The following PACRG variants were observed in gnomAD, a reference collection of about 807,000 sequenced individuals.
PACRG encodes parkin coregulated gene protein.
In PACRG, 29 loss-of-function variants were observed where a neutral mutation model predicts 29.7. The ratio of observed to expected loss-of-function variants is 0.98; its 90% CI spans 0.73 to 1.33. The LOEUF is 1.33. Ranked by LOEUF, PACRG falls within the 40% of genes most tolerant of loss-of-function variation. The probability of loss-of-function intolerance (pLI) is 0.00; values close to 1 mark genes in which losing one functional copy is unlikely to be tolerated. For synonymous variants in PACRG, 116 were observed against 118.7 expected (o/e 0.98, Z 0.15); for missense variants, 279 against 316.2 (o/e 0.88, Z 0.89).
At position 163,111,028 on chromosome 6, in the gene PACRG, C is replaced by T. The variant is rs116999932; in HGVS notation, c.613+21620C>T. Reference sequence around the variant, plus strand: ...CATTCTGTGATGCAGATTCTCCTTCCGCTTCTTACATCTGTTTTTCTTTCC... The same window carrying T: ...CATTCTGTGATGCAGATTCTCCTTCTGCTTCTTACATCTGTTTTTCTTTCC... On this transcript the variant is annotated intron_variant, in intron 4 of 4. Coordinates refer to ENST00000366888, the MANE Select transcript of PACRG (RefSeq NM_001080379.2). 4.5e-3 allele frequency among the ~76,000 whole-genome samples: 688 copies of T among 152,300 alleles called. 2 individuals are homozygous for T. The highest frequency in any genetic ancestry group is 7.2e-3 in the Non-Finnish European group (493 of 68,020).
At position 162,764,102 on chromosome 6, in the gene PACRG, C is replaced by T. The variant is rs1407659987; in HGVS notation, c.156+35711C>T. Among the ~76,000 whole-genome samples the T allele has an allele frequency of 2.6e-5, 4 of 152,014 alleles. No homozygotes were observed. The South Asian group carries it at 6.2e-4, about 24-fold the overall frequency. On this transcript the variant is annotated intron_variant, in intron 1 of 4. Transcript: ENST00000366888. The stretch of plus-strand genomic sequence containing the variant: ...CATCCTGGCTAACATGGTGAAACCC[C>T]GTCTCTACTAAAAATACAAAAAATT...
At chr6:163,312,097 C>T (rs1282868045) in intron 4 of PACRG, among the ~76,000 whole-genome samples, 3 of 152,196 alleles carry the variant, frequency 2.0e-5, no homozygotes, top group Non-Finnish European at 2.9e-5. Flanking sequence ...CTATCTTTTC[C>T]GTGTGCCCTC....
intron 1 of PACRG, among the ~76,000 whole-genome samples, chr6:162,790,616 C>T (rs1784854861): frequency 6.6e-6 from 1 of 152,104 alleles, no homozygotes; most frequent in Non-Finnish European, 1.5e-5. Context: ...CCGTACTGCC[C>T]TTTACACATC....
intron 4 of PACRG, among the ~76,000 whole-genome samples, chr6:163,105,618 C>T (rs1042106158): frequency 1.3e-5 from 2 of 152,064 alleles, no homozygotes; most frequent in Non-Finnish European, 2.9e-5. Context: ...AATGGCTCAA[C>T]ATTGGGTCAT....
chr6:163,088,456 G>A (rs1813793560), intron 3 of PACRG, among the ~76,000 whole-genome samples: 1 of 152,060 alleles, frequency 6.6e-6, no homozygotes, highest in Non-Finnish European at 1.5e-5. Flanking sequence ...GAAGAAACTG[G>A]GGCCAAGAAA....
At position 163,010,410 on chromosome 6, in the gene PACRG, G is replaced by A. The variant is rs1805503933; in HGVS notation, c.292-51740G>A. On this transcript the variant is annotated intron_variant, in intron 2 of 4. Transcript: ENST00000366888. ...ACATATAAATGATGCTACCTGTGAGGAGTGGGTAGGAGAATGGGCCTAAAT... is the reference window on the plus strand; with the variant it reads ...ACATATAAATGATGCTACCTGTGAGAAGTGGGTAGGAGAATGGGCCTAAAT... Among the ~76,000 whole-genome samples the A allele has an allele frequency of 2.6e-5, 4 of 152,152 alleles. No homozygotes were observed. In the South Asian group the frequency reaches 8.3e-4, roughly 31 times the overall value.
intron 4 of PACRG, among the ~76,000 whole-genome samples, chr6:163,139,136 G>A (rs935863910): frequency 1.1e-4 from 17 of 152,230 alleles, no homozygotes; most frequent in East Asian, 3.9e-4. Flanking sequence ...GGCAAGCTGC[G>A]GGCAGAGAGA....
chr6:163,156,718 G>A (rs1562942533), intron 4 of PACRG, among the ~76,000 whole-genome samples: 1 of 152,230 alleles, frequency 6.6e-6, no homozygotes, highest in Non-Finnish European at 1.5e-5. Context: ...GGTATCTACA[G>A]AACCGTGTCC....
intron 4 of PACRG, among the ~76,000 whole-genome samples, chr6:163,104,529 T>C (rs992891216): frequency 6.6e-6 from 1 of 152,208 alleles, no homozygotes; most frequent in African/African-American, 2.4e-5. Context: ...CTTGTGCTGC[T>C]TCAACTTCAA....
intron 2 of PACRG, among the ~76,000 whole-genome samples, chr6:162,940,990 C>T (rs1798577599): frequency 6.6e-6 from 1 of 151,744 alleles, no homozygotes. Context: ...TGTTTTTCTT[C>T]CTGGCATGTG....
chr6:163,312,090 T>C lies in PACRG; in HGVS notation c.614-2737T>C, dbSNP rs192365879. Among the ~76,000 whole-genome samples the C allele has an allele frequency of 6.7e-3, 1,018 of 152,316 alleles. 10 individuals carry two copies. The highest frequency in any genetic ancestry group is 0.023 in the African/African-American group (949 of 41,564). On this transcript the variant is annotated intron_variant, in intron 4 of 4. Coordinates refer to ENST00000366888, the MANE Select transcript of PACRG (RefSeq NM_001080379.2). ...CACAACTCAGCATCATCATCAACTA[T>C]CTTTTCCGTGTGCCCTCCAGGGGTT...
chr6:162,900,899 C>T (rs1795514485), intron 2 of PACRG, among the ~76,000 whole-genome samples: 1 of 152,152 alleles, frequency 6.6e-6, no homozygotes, highest in Non-Finnish European at 1.5e-5. Context: ...TTATCATGAG[C>T]TGAAAGTATC....
At chr6:163,290,276 GCGCACACACACA>G (rs1263341834) in intron 4 of PACRG, among the ~76,000 whole-genome samples, 2,764 of 127,702 alleles carry the variant, frequency 0.022, 33 homozygotes, top group South Asian at 0.043. Context: ...ACGCGCGCGC[GCGCACACACACA>G]CACACACACA....
chr6:163,004,388 G>T (rs1425155736), intron 2 of PACRG, among the ~76,000 whole-genome samples: 2 of 151,926 alleles, frequency 1.3e-5, no homozygotes, highest in African/African-American at 4.8e-5. Flanking sequence ...AGTTCAACAT[G>T]CTGGGGTTGG....
At chr6:162,788,201 A>G (rs73602000) in intron 1 of PACRG, among the ~76,000 whole-genome samples, 7,939 of 152,166 alleles carry the variant, frequency 0.052, 711 homozygotes, top group African/African-American at 0.18. Context: ...AGCAACCACT[A>G]TCTTTTTACT....
intron 2 of PACRG, among the ~76,000 whole-genome samples, chr6:162,852,001 G>GGAAGGAAGGAAGGA (rs1554291923): frequency 0.012 from 1,161 of 99,944 alleles, 20 homozygotes; most frequent in African/African-American, 0.041. Context: ...GGGAGGGAGG[G>GGAAGGAAGGAAGGA]AGGGAGGAAG....
At position 162,952,058 on chromosome 6, in the gene PACRG, C is replaced by T. The variant is rs143724734; in HGVS notation, c.292-110092C>T. 2.3e-3 allele frequency among the ~76,000 whole-genome samples: 353 copies of T among 152,284 alleles called. 2 individuals carry two copies. The highest frequency in any genetic ancestry group is 8.0e-3 in the African/African-American group (332 of 41,570). ...TAAACAAAAATGTCAATAGTTCCTACGTAGCTGAAACTGAAATGACAGGGG... is the reference window on the plus strand; with the variant it reads ...TAAACAAAAATGTCAATAGTTCCTATGTAGCTGAAACTGAAATGACAGGGG... On this transcript the variant is annotated intron_variant, in intron 2 of 4. Coordinates refer to ENST00000366888, the MANE Select transcript of PACRG (RefSeq NM_001080379.2).
At chr6:163,239,667 A>ACC (rs1379516869) in intron 4 of PACRG, among the ~76,000 whole-genome samples, 2 of 101,334 alleles carry the variant, frequency 2.0e-5, no homozygotes, top group African/African-American at 4.0e-5. Flanking sequence ...ACACACCCAC[A>ACC]CCCCCCACCC....
chr6:163,191,953 C>A, intron 4 of PACRG: 1 of 342,186 alleles, frequency 2.9e-6, no homozygotes, highest in Non-Finnish European at 5.8e-6. Flanking sequence ...AACTGACCAG[C>A]GGTGCTATCT....
Sources: gnomAD v4.1 joint callset for allele counts (sites outside exome capture counted in the v4.1 genomes callset) on GRCh38, gnomAD v4.1.1 for gene constraint, MANE v1.5 for transcripts, NCBI Gene and HGNC (gene_info 2026-07-23, HGNC 2026-07-21) for gene names.